TGFBR1: variants seen among roughly 807,000 people sequenced by gnomAD.
The protein encoded by TGFBR1 is transforming growth factor beta receptor 1, also known as TGF-beta receptor type-1.
A neutral mutation model predicts 55.1 loss-of-function variants in TGFBR1; 20 were observed. The observed-to-expected ratio is 0.36, with a 90% CI of 0.26 to 0.53. The LOEUF is 0.53. TGFBR1 is among the 20% of genes least tolerant of loss of function. TGFBR1 has a pLI of 0.91. For missense variants in TGFBR1, 385 were observed against 617.6 expected, an observed-to-expected ratio of 0.62 and a Z score of 3.99; for synonymous variants, 220 against 214.8, an observed-to-expected ratio of 1.02 and a Z score of -0.21.
intron 7 of TGFBR1, 44 bp from the exon 8 acceptor site, chr9:99,147,610 C>T (rs750402455): frequency 2.1e-5 from 34 of 1,583,070 alleles, no homozygotes; most frequent in Non-Finnish European, 2.9e-5. Flanking sequence ...TTGGCATTAG[C>T]TGAATAAATT....
At chr9:99,126,775 C>T (rs1240222708) in intron 1 of TGFBR1, among the ~76,000 whole-genome samples, 1 of 152,206 alleles carries the variant, frequency 6.6e-6, no homozygotes, top group Non-Finnish European at 1.5e-5. Context: ...TGAATAATTA[C>T]TGTCTCTTTT....
intron 1 of TGFBR1, among the ~76,000 whole-genome samples, chr9:99,127,133 A>T (rs1217970675): frequency 6.6e-6 from 1 of 152,220 alleles, no homozygotes; most frequent in South Asian, 2.1e-4. Flanking sequence ...TACAGTTAAC[A>T]TCAGCAAAAG....
rs1362410531 is a variant in TGFBR1 at position 99,132,656 on chromosome 9, C to G, written c.491C>G (p.Pro164Arg). 5.6e-6 allele frequency: 9 copies of G among 1,613,988 alleles called. No homozygotes were observed. The highest frequency in any genetic ancestry group is 7.6e-6 in the Non-Finnish European group (9 of 1,180,026). The part of the protein sequence containing the change: ...IHHRVPNEED[P>R]SLDRPFISEG... ...CATCGAGTGCCAAATGAAGAGGACC[C>G]TTCATTAGATCGCCCTTTTATTTCA... Residue 164 changes from proline (P) to arginine (R), a missense_variant, in exon 3 of 9, where the codon CCT becomes CGT. Transcript: ENST00000374994.
chr9:99,140,235 G>A (rs556620961), intron 4 of TGFBR1, among the ~76,000 whole-genome samples: 32 of 152,266 alleles, frequency 2.1e-4, no homozygotes, highest in South Asian at 1.9e-3. Flanking sequence ...TGGATCACGA[G>A]GTCAAGAGTT....
At chr9:99,147,899 C>A in intron 8 of TGFBR1, 115 bp downstream of exon 8, 2 of 1,227,172 alleles carry the variant, frequency 1.6e-6, no homozygotes, top group Non-Finnish European at 2.3e-6. Context: ...TTTTTCATAG[C>A]AGTCAAACCA....
Position 99,151,215 on chromosome 9 carries a change from A to G in TGFBR1, c.*1910A>G, listed in dbSNP as rs1251469176. 1.1e-4 allele frequency: 26 copies of G among 230,562 alleles called. No individual in the cohort carries two copies. In the East Asian group the frequency reaches 1.6e-3, roughly 14 times the overall value. 14.3% of individuals were successfully genotyped at this position (230,562 alleles called of 1,614,324 possible). Reference sequence around the variant, plus strand: ...TTCATGTGTTTAAAAACATCATGGGAAAAATGCTTAGAGGTTACTATTTTG... The same window carrying G: ...TTCATGTGTTTAAAAACATCATGGGGAAAATGCTTAGAGGTTACTATTTTG... On this transcript the variant is annotated 3_prime_UTR_variant, in exon 9 of 9. Transcript: ENST00000374994.
At chr9:99,125,113 TA>T (rs1827003058) in intron 1 of TGFBR1, among the ~76,000 whole-genome samples, 1 of 152,226 alleles carries the variant, frequency 6.6e-6, no homozygotes, top group Non-Finnish European at 1.5e-5. Flanking sequence ...AATTCCATTT[TA>T]AATGTGTTTC....
At chr9:99,111,074 C>T (rs1159711687) in intron 1 of TGFBR1, among the ~76,000 whole-genome samples, 1 of 152,158 alleles carries the variant, frequency 6.6e-6, no homozygotes, top group Non-Finnish European at 1.5e-5. Context: ...CATTCAGATA[C>T]TAACAGTCTT....
At chr9:99,119,132 T>G (rs1187514905) in intron 1 of TGFBR1, among the ~76,000 whole-genome samples, 1 of 152,206 alleles carries the variant, frequency 6.6e-6, no homozygotes, top group Admixed American at 6.5e-5. Flanking sequence ...GCTTCTAAAA[T>G]TACTAACTGC....
At chr9:99,119,287 C>A (rs894380619) in intron 1 of TGFBR1, among the ~76,000 whole-genome samples, 1 of 152,182 alleles carries the variant, frequency 6.6e-6, no homozygotes, top group African/African-American at 2.4e-5. Flanking sequence ...TCCTTCTCTA[C>A]CACAGTTCTG....
In TGFBR1 at chr9:99,149,995, GAA is replaced by G. The variant is rs984978548; in HGVS notation, c.*692_*693del. The G allele has an allele frequency of 5.3e-6, 1 of 189,190 alleles. No individual in the cohort carries two copies. The highest frequency in any genetic ancestry group is 6.1e-5 in the Admixed American group (1 of 16,268). 11.7% of individuals were successfully genotyped at this position (189,190 alleles called of 1,614,324 possible). On this transcript the variant is annotated 3_prime_UTR_variant, in exon 9 of 9. Transcript: ENST00000374994. ...TCTAATGGAAATGAGTAGAATTGCT[GAA>G]AGTCTCTATGTTAAAACCTATAGTG...
At chr9:99,134,407 G>T (rs899605929) in intron 3 of TGFBR1, among the ~76,000 whole-genome samples, 12 of 152,172 alleles carry the variant, frequency 7.9e-5, no homozygotes, top group Non-Finnish European at 1.8e-4. Flanking sequence ...AGCAGTCTTA[G>T]TACTGAAGGT....
chr9:99,135,377 G>C (rs1827400080), intron 3 of TGFBR1, among the ~76,000 whole-genome samples: 1 of 152,180 alleles, frequency 6.6e-6, no homozygotes, highest in Non-Finnish European at 1.5e-5. Context: ...AGTAAACTGT[G>C]TGTTTGTAAT....
intron 5 of TGFBR1, among the ~76,000 whole-genome samples, chr9:99,143,737 A>G (rs1827699449): frequency 6.6e-6 from 1 of 152,246 alleles, no homozygotes; most frequent in Non-Finnish European, 1.5e-5. Context: ...TACAGCCAGC[A>G]AACACTACAG....
rs1046944467 is a variant in TGFBR1, at chr9:99,151,084, TA to T, written c.*1781del. ...TTACACTGAATGAGTTGCATTCTGA[TA>T]ATGTCTTATCTCTTATACGTAGAAT... On this transcript the variant is annotated 3_prime_UTR_variant, in exon 9 of 9. Coordinates refer to ENST00000374994, the MANE Select transcript of TGFBR1 (RefSeq NM_004612.4). 4 of 228,520 alleles carry T rather than the reference TA, an allele frequency of 1.8e-5. No homozygotes were observed. The highest frequency in any genetic ancestry group is 8.9e-5 in the African/African-American group (4 of 45,100). 14.2% of individuals were successfully genotyped at this position (228,520 alleles called of 1,614,324 possible). A position where few individuals can be genotyped will look rare whatever the true frequency, so the allele number is the denominator to read the frequency against.
At position 99,149,857 on chromosome 9, in the gene TGFBR1, A is replaced by G. The variant is rs200511595; in HGVS notation, c.*552A>G. Reference sequence around the variant, plus strand: ...ATGACCTCATATAGTAGTGAGGAACATAATTCATGCAATTGTATTTTGTAT... The same window carrying G: ...ATGACCTCATATAGTAGTGAGGAACGTAATTCATGCAATTGTATTTTGTAT... On this transcript the variant is annotated 3_prime_UTR_variant, in exon 9 of 9. Transcript: ENST00000374994. 4.6e-6 allele frequency: 1 copy of G among 216,734 alleles called. No homozygotes were observed. Among genetic ancestry groups the G allele is most frequent in the African/African-American group, 2.3e-5 (1 of 44,288 alleles). The allele number at this position is 216,734 out of a possible 1,614,324, so 13.4% of individuals were successfully genotyped here.
chr9:99,132,845 T>G (rs1827288014), intron 3 of TGFBR1, 106 bp downstream of exon 3: 1 of 1,423,810 alleles, frequency 7.0e-7, no homozygotes, highest in Non-Finnish European at 9.6e-7. Flanking sequence ...TGAGATAGTA[T>G]AAATAATATT....
At chr9:99,126,769 T>C (rs1827054036) in intron 1 of TGFBR1, among the ~76,000 whole-genome samples, 2 of 152,244 alleles carry the variant, frequency 1.3e-5, no homozygotes, top group African/African-American at 4.8e-5. Context: ...TTGTCATGAA[T>C]AATTACTGTC....
intron 4 of TGFBR1, among the ~76,000 whole-genome samples, chr9:99,139,947 T>A (rs753079327): frequency 6.6e-6 from 1 of 152,242 alleles, no homozygotes; most frequent in Non-Finnish European, 1.5e-5. Context: ...TGTTCTTCTA[T>A]CTTTTCTGAA....
Sources: allele counts gnomAD v4.1 joint callset (sites outside exome capture counted in the v4.1 genomes callset), GRCh38; gene constraint gnomAD v4.1.1; transcripts MANE v1.5; gene names NCBI Gene and HGNC (gene_info 2026-07-23, HGNC 2026-07-21).